The following BLTP1 variants were observed in gnomAD, a reference collection of about 807,000 sequenced individuals.
BLTP1 encodes fragile site-associated protein.
the BLTP1 span, chr4:122,313,719 G>C: frequency 8.0e-7 from 1 of 1,257,576 alleles, no homozygotes; most frequent in Non-Finnish European, 1.1e-6. Flanking sequence ...TTTTATGTTA[G>C]ATAGAATTCT....
At chr4:122,264,020 G>A in the BLTP1 span, 375 of 736,318 alleles carry the variant, frequency 5.1e-4, no homozygotes, top group Middle Eastern at 1.4e-3. Context: ...CAGTATGTAT[G>A]TATAAGGATA....
At chr4:122,159,760 A>G in the BLTP1 span, among the ~76,000 whole-genome samples, 1 of 152,232 alleles carries the variant, frequency 6.6e-6, no homozygotes, top group African/African-American at 2.4e-5. Context: ...GCTTGCTCAC[A>G]GCTAACAGAA....
the BLTP1 span, chr4:122,220,541 A>G: frequency 1.5e-6 from 2 of 1,302,502 alleles, no homozygotes; most frequent in Non-Finnish European, 2.1e-6. Context: ...AAAACAATGT[A>G]TTAGCTTCTG....
the BLTP1 span, chr4:122,224,196 A>G: frequency 3.4e-6 from 2 of 593,310 alleles, no homozygotes; most frequent in Non-Finnish European, 4.2e-6. Context: ...TCCCTGTCAA[A>G]GTACTACTGT....
the BLTP1 span, chr4:122,273,344 G>A: frequency 5.1e-6 from 5 of 984,302 alleles, no homozygotes; most frequent in African/African-American, 1.8e-5. Flanking sequence ...GGATTGACAT[G>A]GTGAACCACA....
chr4:122,296,720 C>G, the BLTP1 span, among the ~76,000 whole-genome samples: 1 of 152,110 alleles, frequency 6.6e-6, no homozygotes, highest in Non-Finnish European at 1.5e-5. Flanking sequence ...AAAACAGACA[C>G]ATAGGCCAAT....
chr4:122,287,903 T>G, the BLTP1 span, among the ~76,000 whole-genome samples: 2 of 152,170 alleles, frequency 1.3e-5, no homozygotes, highest in Admixed American at 6.5e-5. Context: ...AGCAATACTA[T>G]TATTAATGTT....
At chr4:122,198,057 G>A in the BLTP1 span, 2 of 985,108 alleles carry the variant, frequency 2.0e-6, no homozygotes, top group African/African-American at 1.7e-5. Context: ...CTTAGCTCTT[G>A]TTTCTTGGTT....
the BLTP1 span, chr4:122,354,082 GT>G: frequency 7.1e-7 from 1 of 1,410,380 alleles, no homozygotes; most frequent in Non-Finnish European, 9.8e-7. Context: ...TGTTGACTGT[GT>G]TTAGAATTTA....
chr4:122,359,380 C>T, the BLTP1 span: 1 of 919,524 alleles, frequency 1.1e-6, no homozygotes, highest in Non-Finnish European at 1.3e-6. Context: ...CTGTTAATCT[C>T]TAAGAATTAT....
At chr4:122,355,405 A>T in the BLTP1 span, among the ~76,000 whole-genome samples, 2 of 151,946 alleles carry the variant, frequency 1.3e-5, no homozygotes, top group Non-Finnish European at 2.9e-5. Flanking sequence ...GCTTAGTGAA[A>T]TTCCAACTTC....
chr4:122,277,170 C>G, the BLTP1 span: 4 of 747,930 alleles, frequency 5.3e-6, no homozygotes, highest in Non-Finnish European at 6.5e-6. Flanking sequence ...GACCCTGTCT[C>G]TACAAAAAAT....
chr4:122,336,024 G>C, the BLTP1 span: 1 of 539,946 alleles, frequency 1.9e-6, no homozygotes, highest in East Asian at 3.0e-5. Context: ...AATCGCCTCT[G>C]TATTCTAACA....
the BLTP1 span, chr4:122,247,150 T>A: frequency 6.3e-7 from 1 of 1,596,780 alleles, no homozygotes; most frequent in Non-Finnish European, 8.6e-7. Flanking sequence ...CTCTTTTTTT[T>A]CATAAAGAGG....
chr4:122,305,968 G>T, the BLTP1 span: 1 of 1,611,696 alleles, frequency 6.2e-7, no homozygotes, highest in Non-Finnish European at 8.5e-7. Flanking sequence ...GAAATCAGTG[G>T]TTCTTCAGAT....
At chr4:122,333,580 G>C in the BLTP1 span, 4 of 1,526,192 alleles carry the variant, frequency 2.6e-6, no homozygotes, top group African/African-American at 2.8e-5. Flanking sequence ...TAAACAAAAA[G>C]ATAAATGTGT....
the BLTP1 span, chr4:122,249,379 AGAT>A: frequency 6.7e-7 from 1 of 1,499,586 alleles, no homozygotes; most frequent in Non-Finnish European, 8.9e-7. Context: ...CAGAGCACTA[AGAT>A]ATCTTTTAAA....
the BLTP1 span, among the ~76,000 whole-genome samples, chr4:122,283,544 C>T: frequency 1.2e-4 from 18 of 152,144 alleles, no homozygotes; most frequent in Non-Finnish European, 2.6e-4. Flanking sequence ...CAGGGTCTCA[C>T]TTTGTTGCCC....
the BLTP1 span, chr4:122,247,050 T>TACACC: frequency 2.2e-6 from 3 of 1,344,734 alleles, no homozygotes; most frequent in Non-Finnish European, 3.0e-6. Context: ...TATTGGTGTA[T>TACACC]AATAGTAGAG....
Sources: gnomAD v4.1 joint callset for allele counts (sites outside exome capture counted in the v4.1 genomes callset) on GRCh38, gnomAD v4.1.1 for gene constraint, MANE v1.5 for transcripts, NCBI Gene and HGNC (gene_info 2026-07-23, HGNC 2026-07-21) for gene names.